The following SLC31A1 variants were observed in gnomAD, a reference collection of about 807,000 sequenced individuals.
SLC31A1 encodes the protein solute carrier family 31 member 1.
In SLC31A1, 5 loss-of-function variants were observed where a neutral mutation model predicts 17.2. The ratio of observed to expected loss-of-function variants is 0.29; its 90% CI spans 0.15 to 0.61. The LOEUF is 0.61. Ranked by LOEUF, SLC31A1 falls within the 20% of genes least tolerant of loss-of-function variation. The probability of loss-of-function intolerance (pLI) is 0.86; values close to 1 mark genes in which losing one functional copy is unlikely to be tolerated. For synonymous variants in SLC31A1, 76 were observed against 78.8 expected (o/e 0.96, Z 0.19); for missense variants, 161 against 241.4 (o/e 0.67, Z 2.21).
chr9:113,223,645 G>T (rs1348675713), intron 1 of SLC31A1, among the ~76,000 whole-genome samples: 1 of 152,056 alleles, frequency 6.6e-6, no homozygotes, highest in East Asian at 1.9e-4. Flanking sequence ...CAGAAGATTG[G>T]CCAGGAAGCA....
chr9:113,242,739 A>G (rs1485839026), intron 1 of SLC31A1, among the ~76,000 whole-genome samples: 6 of 152,138 alleles, frequency 3.9e-5, no homozygotes, highest in Admixed American at 3.9e-4. Flanking sequence ...ATCTTATCTT[A>G]TAGTTTGTTC....
chr9:113,246,859 C>T (rs983830928), intron 1 of SLC31A1, among the ~76,000 whole-genome samples: 1 of 151,954 alleles, frequency 6.6e-6, no homozygotes, highest in African/African-American at 2.4e-5. Flanking sequence ...AGGCTGGTCT[C>T]AAACTCCTAG....
intron 4 of SLC31A1, among the ~76,000 whole-genome samples, chr9:113,259,303 A>G (rs978989866): frequency 2.6e-5 from 4 of 152,158 alleles, no homozygotes; most frequent in Admixed American, 6.5e-5. Context: ...TTGGATGATT[A>G]TTGGTTTTTC....
intron 1 of SLC31A1, among the ~76,000 whole-genome samples, chr9:113,236,141 C>G (rs1831456308): frequency 6.6e-6 from 1 of 152,102 alleles, no homozygotes; most frequent in South Asian, 2.1e-4. Context: ...GTGCACGCCA[C>G]CAAACCTGGC....
At chr9:113,244,512 AAAC>A (rs1169970526) in intron 1 of SLC31A1, among the ~76,000 whole-genome samples, 1 of 152,222 alleles carries the variant, frequency 6.6e-6, no homozygotes, top group African/African-American at 2.4e-5. Context: ...GGTCAGAAAA[AAAC>A]AAGAGTGAGA....
chr9:113,240,479 A>T (rs116528581), intron 1 of SLC31A1, among the ~76,000 whole-genome samples: 349 of 152,336 alleles, frequency 2.3e-3, no homozygotes, highest in African/African-American at 7.9e-3. Flanking sequence ...AAAAACTATA[A>T]GTCAATTTCT....
chr9:113,256,417 C>A, intron 2 of SLC31A1, 140 bp downstream of exon 2: 2 of 907,946 alleles, frequency 2.2e-6, no homozygotes, highest in Non-Finnish European at 1.6e-6. Flanking sequence ...CCAAGCAAGT[C>A]AAGTCATTTG....
intron 1 of SLC31A1, among the ~76,000 whole-genome samples, chr9:113,251,823 A>G (rs1831657605): frequency 6.6e-6 from 1 of 152,188 alleles, no homozygotes; most frequent in South Asian, 2.1e-4. Flanking sequence ...GCTTTTAGTG[A>G]GCGTAAGGAC....
Position 113,261,963 on chromosome 9 carries a change from C to G in SLC31A1, c.*1490C>G, listed in dbSNP as rs770216696. On this transcript the variant is annotated 3_prime_UTR_variant, in exon 5 of 5. Transcript: ENST00000374212. ...GAGCTCCACCTGTGTGTATGTGTAC[C>G]CAAGCACACATGTGTGAAGGGCTAT... 1 of 152,606 alleles carries G rather than the reference C, an allele frequency of 6.6e-6. No homozygotes were observed. The highest frequency in any genetic ancestry group is 1.5e-5 in the Non-Finnish European group (1 of 68,038). The allele number at this position is 152,606 out of a possible 1,614,324, so 9.5% of individuals were successfully genotyped here.
intron 1 of SLC31A1, among the ~76,000 whole-genome samples, chr9:113,246,455 G>A (rs891081221): frequency 2.0e-5 from 3 of 150,070 alleles, no homozygotes; most frequent in African/African-American, 7.4e-5. Flanking sequence ...GGATTCAAGC[G>A]ATTTTCCTGC....
chr9:113,258,656 T>C lies in SLC31A1; in HGVS notation c.203-38T>C. The C allele has an allele frequency of 6.2e-7, 1 of 1,611,572 alleles. No homozygotes were observed. Among genetic ancestry groups the C allele is most frequent in the Non-Finnish European group, 8.5e-7 (1 of 1,178,434 alleles). On this transcript the variant is annotated intron_variant, in intron 3 of 4. Coordinates refer to ENST00000374212, the MANE Select transcript of SLC31A1 (RefSeq NM_001859.4). The surrounding 1 kb of genome is among the most constrained non-coding windows in gnomAD (Gnocchi z 4.8). ...GCACATTGGCTAATGATTTTGCACA[T>C]GTTTGACAGTACCTCCATATTTTCC...
chr9:113,225,461 G>C (rs896372783), intron 1 of SLC31A1, among the ~76,000 whole-genome samples: 1 of 152,174 alleles, frequency 6.6e-6, no homozygotes, highest in Non-Finnish European at 1.5e-5. Context: ...CATTTCCCTA[G>C]CTCCATTCCA....
intron 1 of SLC31A1, among the ~76,000 whole-genome samples, chr9:113,252,376 A>C (rs951196459): frequency 2.0e-5 from 3 of 152,042 alleles, no homozygotes; most frequent in Non-Finnish European, 4.4e-5. Flanking sequence ...GCTCACTGCA[A>C]CCTCCGCCTC....
chr9:113,251,421 AAAAAAAT>A (rs1295731215), intron 1 of SLC31A1, among the ~76,000 whole-genome samples: 20 of 134,326 alleles, frequency 1.5e-4, no homozygotes, highest in South Asian at 1.4e-3. Flanking sequence ...GACTCTATCT[AAAAAAAT>A]AAAAAATAAA....
Position 113,221,556 on chromosome 9 carries a change from T to G in SLC31A1, c.-158T>G. On this transcript the variant is annotated 5_prime_UTR_variant, in exon 1 of 5. Coordinates refer to ENST00000374212, the MANE Select transcript of SLC31A1 (RefSeq NM_001859.4). The stretch of plus-strand genomic sequence containing the variant: ...GGGAGGGGGCGGGAAATCCTCGGCC[T>G]CGGTGGCGGTGGTGGACACGTCGAG... 2.2e-6 allele frequency: 1 copy of G among 453,456 alleles called. No individual in the cohort carries two copies. The highest frequency in any genetic ancestry group is 2.1e-5 in the South Asian group (1 of 48,450). 28.1% of individuals were successfully genotyped at this position (453,456 alleles called of 1,614,324 possible). A position where few individuals can be genotyped will look rare whatever the true frequency, so the allele number is the denominator to read the frequency against.
At chr9:113,256,384 C>T in intron 2 of SLC31A1, 107 bp downstream of exon 2, 2 of 1,329,434 alleles carry the variant, frequency 1.5e-6, no homozygotes, top group Non-Finnish European at 2.1e-6. Flanking sequence ...GTCAGTTTAC[C>T]AGTGAGGATA....
chr9:113,257,824 G>A (rs1252881061), intron 3 of SLC31A1, among the ~76,000 whole-genome samples: 1 of 151,874 alleles, frequency 6.6e-6, no homozygotes, highest in East Asian at 1.9e-4. Flanking sequence ...TATTAGTCCT[G>A]GACATAAGAC....
intron 1 of SLC31A1, among the ~76,000 whole-genome samples, chr9:113,226,698 C>T (rs2118981326): frequency 6.6e-6 from 1 of 152,122 alleles, no homozygotes; most frequent in Middle Eastern, 3.4e-3. Flanking sequence ...AAGATGGAAG[C>T]CTGAATCTCA....
At chr9:113,235,956 T>C (rs1193174553) in intron 1 of SLC31A1, among the ~76,000 whole-genome samples, 1 of 152,246 alleles carries the variant, frequency 6.6e-6, no homozygotes, top group Non-Finnish European at 1.5e-5. Flanking sequence ...ATGGCTAAAG[T>C]ATATCAATCA....
Sources: allele counts gnomAD v4.1 joint callset (sites outside exome capture counted in the v4.1 genomes callset), GRCh38; gene constraint gnomAD v4.1.1; non-coding constraint Gnocchi (gnomAD v3.1); transcripts MANE v1.5; gene names NCBI Gene and HGNC (gene_info 2026-07-23, HGNC 2026-07-21).